The following EVI5L variants were observed in gnomAD, a reference collection of about 807,000 sequenced individuals.
EVI5L encodes the protein EVI5-like protein.
In EVI5L, 30 loss-of-function variants were observed where a neutral mutation model predicts 106.1. That is an observed-to-expected ratio of 0.28 (90% CI 0.21 to 0.38). The LOEUF (loss-of-function observed/expected upper bound fraction) is 0.38. Ranked by LOEUF, EVI5L falls within the 10% of genes least tolerant of loss-of-function variation. The probability of loss-of-function intolerance (pLI) is 1.00; values close to 1 mark genes in which losing one functional copy is unlikely to be tolerated. For missense variants in EVI5L, 809 were observed against 1,098.0 expected (o/e 0.74, Z 3.72); for synonymous variants, 489 against 483.3 (o/e 1.01, Z -0.15).
In EVI5L at chr19:7,848,771, A is replaced by C; in HGVS notation, c.328-150A>C. 1.4e-6 allele frequency: 1 copy of C among 701,076 alleles called. No homozygotes were observed. Among genetic ancestry groups the C allele is most frequent in the Non-Finnish European group, 2.3e-6 (1 of 426,438 alleles). The allele number at this position is 701,076 out of a possible 1,614,324, so 43.4% of individuals were successfully genotyped here. Reference sequence around the variant, plus strand: ...GTGACAGAGGGAGACCCTGTCTCTGAAAAAAGGGGGTAAAAAAAGGATTGG... The same window carrying C: ...GTGACAGAGGGAGACCCTGTCTCTGCAAAAAGGGGGTAAAAAAAGGATTGG... On this transcript the variant is annotated intron_variant, in intron 3 of 19. Transcript: ENST00000538904. This position sits in a 1 kb window ranked among gnomAD's most constrained non-coding sequence, Gnocchi z 4.8.
In EVI5L at chr19:7,862,288, G is replaced by A. The variant is rs1345971142; in HGVS notation, c.1800+11G>A. 13 of 1,583,468 alleles carry A rather than the reference G, an allele frequency of 8.2e-6. No individual in the cohort carries two copies. The highest frequency in any genetic ancestry group is 1.7e-4 in the Middle Eastern group (1 of 6,042). On this transcript the variant is annotated intron_variant, in intron 16 of 19. Transcript: ENST00000538904. The stretch of plus-strand genomic sequence containing the variant: ...GAACTTGAGACGCAGGTGGACTCGG[G>A]GGGCCTGCTCGTTGGGGAAGGGGCG...
chr19:7,841,154 A>G (rs888895204), intron 1 of EVI5L, among the ~76,000 whole-genome samples: 2 of 152,034 alleles, frequency 1.3e-5, no homozygotes, highest in African/African-American at 4.8e-5. Flanking sequence ...TGCGGGGGAA[A>G]CACAGAACAT....
At chr19:7,852,300 G>A (rs1255610791) in intron 8 of EVI5L, among the ~76,000 whole-genome samples, 1 of 152,224 alleles carries the variant, frequency 6.6e-6, no homozygotes, top group Non-Finnish European at 1.5e-5. Context: ...GGTGCTTCAG[G>A]GAAGAATGCA....
rs1196757757 is a variant in EVI5L, at chr19:7,830,232, T to A, written c.-197T>A. The A allele has an allele frequency of 6.8e-6, 1 of 147,956 alleles. No homozygotes were observed. Among genetic ancestry groups the A allele is most frequent in the East Asian group, 2.0e-4 (1 of 5,024 alleles). The allele number at this position is 147,956 out of a possible 1,614,324, so 9.2% of individuals were successfully genotyped here. On this transcript the variant is annotated 5_prime_UTR_variant, in exon 1 of 20. An upstream start codon of the reference 5' UTR is lost. Transcript: ENST00000538904. ...CAGCGGCTCCTGTCAGCGGGTGAAA[T>A]GGCAGCGGCGGAGCCGGCGGCGGCC...
At position 7,858,203 on chromosome 19, in the gene EVI5L, C is replaced by G; in HGVS notation, c.1246C>G (p.Arg416Gly). The G allele has an allele frequency of 6.4e-7, 1 of 1,564,190 alleles. No individual in the cohort carries two copies. The highest frequency in any genetic ancestry group is 8.7e-7 in the Non-Finnish European group (1 of 1,154,572). The change falls in exon 13 of 20, where the codon CGG becomes GGG. Residue 416 changes from arginine (R) to glycine (G), a missense_variant. Arg to Gly is a moderately radical substitution (Grantham distance 125). Coordinates refer to ENST00000538904, the MANE Select transcript of EVI5L (RefSeq NM_001159944.3). This position sits in a 1 kb window ranked among gnomAD's most constrained non-coding sequence, Gnocchi z 5.7. The stretch of plus-strand genomic sequence containing the variant: ...TCGCTGTTCTCAGGGGCAAGTGACA[C>G]GGGCGCAGGAGGCGGAGGAGAACTA... ...ADRLIQGQVTRAQEAEENYVI... is the reference protein window; with the variant it reads ...ADRLIQGQVTGAQEAEENYVI...
At position 7,862,436 on chromosome 19, in the gene EVI5L, G is replaced by A. The variant is rs369362967; in HGVS notation, c.1849G>A (p.Ala617Thr). 1.9e-6 allele frequency: 3 copies of A among 1,610,308 alleles called. No individual in the cohort carries two copies. The highest frequency in any genetic ancestry group is 2.5e-6 in the Non-Finnish European group (3 of 1,178,702). The change falls in exon 17 of 20, where the codon GCG (alanine) becomes ACG (threonine). Residue 617 changes from alanine (A) to threonine (T), a missense_variant. Transcript: ENST00000538904. ...LLNRVEAERA[A>T]LQEKLQYLAA... is the part of the protein sequence containing the mutation. ...GAACCGCGTGGAGGCGGAGCGCGCGGCGCTGCAGGAGAAGCTGCAGTACCT... is the reference window on the plus strand; with the variant it reads ...GAACCGCGTGGAGGCGGAGCGCGCGACGCTGCAGGAGAAGCTGCAGTACCT...
In EVI5L at chr19:7,863,409, G is replaced by C. The variant is rs1315072768; in HGVS notation, c.2140-15G>C. ...AAGGCCGGTCCACGCCTGCAGCGCC[G>C]GTCCCCCGCCCCAGGTGCGGCTGCT... On this transcript the variant is annotated splice_polypyrimidine_tract_variant and intron_variant, in intron 19 of 19. Transcript: ENST00000538904. The surrounding 1 kb of genome is among the most constrained non-coding windows in gnomAD (Gnocchi z 7.7). 1.1e-5 allele frequency: 17 copies of C among 1,531,384 alleles called. No individual in the cohort carries two copies. The highest frequency in any genetic ancestry group is 1.5e-5 in the Non-Finnish European group (17 of 1,139,622). 94.9% of individuals were successfully genotyped at this position (1,531,384 alleles called of 1,614,324 possible).
intron 14 of EVI5L, 127 bp downstream of exon 14, chr19:7,860,816 G>A: frequency 8.8e-7 from 1 of 1,139,634 alleles, no homozygotes; most frequent in Middle Eastern, 2.2e-4. Flanking sequence ...CCATACATAT[G>A]CACACACACA....
In EVI5L at chr19:7,863,525, C is replaced by T. The variant is rs1555694874; in HGVS notation, c.2241C>T (p.Asp747=). The T allele has an allele frequency of 6.3e-7, 1 of 1,596,892 alleles. No homozygotes were observed. The highest frequency in any genetic ancestry group is 8.5e-7 in the Non-Finnish European group (1 of 1,172,668). The change falls in exon 20 of 20, where the codon GAC becomes GAT. Residue 747 remains aspartate, a synonymous_variant. Transcript: ENST00000538904. This position sits in a 1 kb window ranked among gnomAD's most constrained non-coding sequence, Gnocchi z 7.7. ...HLDEDSLPSS[D]EELLGVGVGA... ...ACGAGGACTCGCTGCCGTCGTCGGA[C>T]GAGGAGCTACTTGGCGTAGGCGTGG...
In EVI5L at chr19:7,856,835, G is replaced by A. The variant is rs1006455352; in HGVS notation, c.1201-257G>A. The A allele has an allele frequency of 6.0e-6, 4 of 671,574 alleles. No individual in the cohort carries two copies. Among genetic ancestry groups the A allele is most frequent in the Non-Finnish European group, 8.2e-6 (3 of 367,606 alleles). 41.6% of individuals were successfully genotyped at this position (671,574 alleles called of 1,614,324 possible). On this transcript the variant is annotated intron_variant, in intron 11 of 19. Transcript: ENST00000538904. This position sits in a 1 kb window ranked among gnomAD's most constrained non-coding sequence, Gnocchi z 6.6. ...GGACAGTGGGTTTCCCAGCCCTGCG[G>A]CCTCCCCCACAGCCGCGGGCACCCC...
In EVI5L at chr19:7,851,777, C is replaced by A; in HGVS notation, c.987+7C>A. On this transcript the variant is annotated splice_region_variant and intron_variant, in intron 8 of 19. Coordinates refer to ENST00000538904, the MANE Select transcript of EVI5L (RefSeq NM_001159944.3). Reference sequence around the variant, plus strand: ...CATGGAGGGGATGTCCCAGGTGGGCCGGGAGGGCCAGGGCCGGTGGGGCTG... The same window carrying A: ...CATGGAGGGGATGTCCCAGGTGGGCAGGGAGGGCCAGGGCCGGTGGGGCTG... 2 of 1,493,478 alleles carry A rather than the reference C, an allele frequency of 1.3e-6. No individual in the cohort carries two copies. The highest frequency in any genetic ancestry group is 1.8e-6 in the Non-Finnish European group (2 of 1,123,752). The allele number at this position is 1,493,478 out of a possible 1,614,324, so 92.5% of individuals were successfully genotyped here.
Position 7,863,904 on chromosome 19 carries a change from C to G in EVI5L, c.*202C>G, listed in dbSNP as rs1979991744. 8 of 645,580 alleles carry G rather than the reference C, an allele frequency of 1.2e-5. No individual in the cohort carries two copies. The highest frequency in any genetic ancestry group is 1.9e-5 in the African/African-American group (1 of 51,302). The allele number at this position is 645,580 out of a possible 1,614,324, so 40.0% of individuals were successfully genotyped here. A position where few individuals can be genotyped will look rare whatever the true frequency, so the allele number is the denominator to read the frequency against. On this transcript the variant is annotated 3_prime_UTR_variant, in exon 20 of 20. Coordinates refer to ENST00000538904, the MANE Select transcript of EVI5L (RefSeq NM_001159944.3). The surrounding 1 kb of genome is among the most constrained non-coding windows in gnomAD (Gnocchi z 7.7). ...CAGGGCCCCGGGGCAGGCTCTCTATCCCCAGCAGTGTTTACCCATCTTGGT... is the reference window on the plus strand; with the variant it reads ...CAGGGCCCCGGGGCAGGCTCTCTATGCCCAGCAGTGTTTACCCATCTTGGT...
In EVI5L at chr19:7,856,859, C is replaced by G. The variant is rs2146434623; in HGVS notation, c.1201-233C>G. On this transcript the variant is annotated intron_variant, in intron 11 of 19. Coordinates refer to ENST00000538904, the MANE Select transcript of EVI5L (RefSeq NM_001159944.3). The surrounding 1 kb of genome is among the most constrained non-coding windows in gnomAD (Gnocchi z 6.6). ...GGCCTCCCCCACAGCCGCGGGCACC[C>G]CCGACCTCCCCGCTCACACCGAACC... 1 of 690,914 alleles carries G rather than the reference C, an allele frequency of 1.4e-6. No homozygotes were observed. Among genetic ancestry groups the G allele is most frequent in the East Asian group, 2.7e-5 (1 of 37,028 alleles). The allele number at this position is 690,914 out of a possible 1,614,324, so 42.8% of individuals were successfully genotyped here. A position where few individuals can be genotyped will look rare whatever the true frequency, so the allele number is the denominator to read the frequency against.
Position 7,848,535 on chromosome 19 carries a change from T to C in EVI5L, c.328-386T>C, listed in dbSNP as rs1221917662. ...TCACTTGAACCTGGGAGGCAAGAGG[T>C]AGCAGTGAGCCAAGATCACGCCACT... On this transcript the variant is annotated intron_variant, in intron 3 of 19. Coordinates refer to ENST00000538904, the MANE Select transcript of EVI5L (RefSeq NM_001159944.3). The surrounding 1 kb of genome is among the most constrained non-coding windows in gnomAD (Gnocchi z 4.8). Among the ~76,000 whole-genome samples the C allele has an allele frequency of 1.3e-5, 2 of 150,776 alleles. No individual in the cohort carries two copies. Among genetic ancestry groups the C allele is most frequent in the Admixed American group, 6.6e-5 (1 of 15,102 alleles).
chr19:7,858,741 G>A lies in EVI5L; in HGVS notation c.1374+410G>A, dbSNP rs1026124645. On this transcript the variant is annotated intron_variant, in intron 13 of 19. Coordinates refer to ENST00000538904, the MANE Select transcript of EVI5L (RefSeq NM_001159944.3). The surrounding 1 kb of genome is among the most constrained non-coding windows in gnomAD (Gnocchi z 5.7). ...GGGGGGCCAGCCATGGAGAATGGGA[G>A]CAGGGCAGTCCGGGACTGTTTGGGG... is the stretch of plus-strand genomic sequence containing the variant. The A allele has an allele frequency of 1.5e-5, 3 of 199,210 alleles. No individual in the cohort carries two copies. Among genetic ancestry groups the A allele is most frequent in the African/African-American group, 4.7e-5 (2 of 42,542 alleles). 12.3% of individuals were successfully genotyped at this position (199,210 alleles called of 1,614,324 possible).
intron 17 of EVI5L, 48 bp from the exon 18 acceptor site, chr19:7,862,924 C>T: frequency 7.5e-7 from 1 of 1,336,066 alleles, no homozygotes; most frequent in Non-Finnish European, 1.0e-6. Flanking sequence ...CCCTGATGCG[C>T]CGCGCCCCCT....
chr19:7,843,152 G>A (rs560948236), intron 1 of EVI5L, among the ~76,000 whole-genome samples: 36 of 150,076 alleles, frequency 2.4e-4, no homozygotes, highest in Admixed American at 3.3e-4. Context: ...GTGTGTGAGC[G>A]AATAGGCATG....
intron 14 of EVI5L, among the ~76,000 whole-genome samples, chr19:7,861,239 G>C (rs1170872185): frequency 6.6e-5 from 10 of 152,208 alleles, no homozygotes; most frequent in African/African-American, 2.4e-4. Flanking sequence ...AGGACTGAGA[G>C]GCCATCTGCT....
At chr19:7,855,754 C>A (rs1209386439) in intron 10 of EVI5L, among the ~76,000 whole-genome samples, 1 of 152,222 alleles carries the variant, frequency 6.6e-6, no homozygotes, top group African/African-American at 2.4e-5. Context: ...CAAACACACA[C>A]ACAGCCACGA....
Sources: allele counts gnomAD v4.1 joint callset (sites outside exome capture counted in the v4.1 genomes callset), GRCh38; gene constraint gnomAD v4.1.1; non-coding constraint Gnocchi (gnomAD v3.1); transcripts MANE v1.5; gene names NCBI Gene and HGNC (gene_info 2026-07-23, HGNC 2026-07-21).